SIN3A: variants seen among roughly 807,000 people sequenced by gnomAD.
SIN3A encodes SIN3 transcription regulator family member A, also known as paired amphipathic helix protein Sin3a.
Under a neutral mutation model 146.1 loss-of-function variants are expected in SIN3A, and 14 were observed. That is an observed-to-expected ratio of 0.10 (90% CI 0.06 to 0.15). The LOEUF (loss-of-function observed/expected upper bound fraction) is 0.15. Among genes scored for constraint, SIN3A ranks in the 10% least tolerant of loss-of-function variants. The pLI, the probability that SIN3A is intolerant of heterozygous loss-of-function variation, is 1.00. For synonymous variants in SIN3A, 572 were observed against 572.0 expected (o/e 1.00, Z 0.00); for missense variants, 1,028 against 1,576.0 (o/e 0.65, Z 5.89).
intron 3 of SIN3A, chr15:75,416,056 GA>G: frequency 3.6e-6 from 1 of 279,798 alleles, no homozygotes. Context: ...TACTTCTGGT[GA>G]CTGTAAAGTT....
intron 15 of SIN3A, 150 bp from the exon 16 acceptor site, chr15:75,389,971 G>A: frequency 1.4e-6 from 1 of 711,666 alleles, no homozygotes; most frequent in Non-Finnish European, 2.3e-6. Context: ...AATGTAAACA[G>A]AGATGAATTC....
intron 9 of SIN3A, among the ~76,000 whole-genome samples, chr15:75,404,167 A>T (rs1211876902): frequency 1.3e-5 from 2 of 152,218 alleles, no homozygotes. Flanking sequence ...AGACTTCCGT[A>T]TGCTTTTCTT....
At chr15:75,422,515 A>G in intron 3 of SIN3A, 132 bp downstream of exon 3, 3 of 1,082,948 alleles carry the variant, frequency 2.8e-6, no homozygotes, top group Non-Finnish European at 2.8e-6. Context: ...TCACAAAACA[A>G]AAACGGTAAA....
At chr15:75,428,296 C>T (rs1469117574) in intron 2 of SIN3A, among the ~76,000 whole-genome samples, 1 of 152,066 alleles carries the variant, frequency 6.6e-6, no homozygotes, top group African/African-American at 2.4e-5. Context: ...CGATGGTAGA[C>T]CCTTGAATAA....
upstream of SIN3A, among the ~76,000 whole-genome samples, chr15:75,454,708 G>T (rs1053865671): frequency 6.6e-6 from 1 of 150,762 alleles, no homozygotes; most frequent in African/African-American, 2.4e-5. Context: ...CCCCATCCGC[G>T]CCGAGCGGTC....
At chr15:75,375,226 A>G (rs937780885) in intron 20 of SIN3A, among the ~76,000 whole-genome samples, 2 of 152,172 alleles carry the variant, frequency 1.3e-5, no homozygotes, top group Admixed American at 1.3e-4. Context: ...AACAAACAAA[A>G]AATCATACAT....
At chr15:75,430,114 A>G (rs910678752) in intron 2 of SIN3A, 73 bp downstream of exon 2, 2 of 1,237,600 alleles carry the variant, frequency 1.6e-6, no homozygotes, top group Non-Finnish European at 2.3e-6. Flanking sequence ...ACAGTATTAA[A>G]AAAAGTTTTA....
intron 14 of SIN3A, among the ~76,000 whole-genome samples, chr15:75,394,058 T>TC: frequency 6.6e-6 from 1 of 152,270 alleles, no homozygotes; most frequent in African/African-American, 2.4e-5. Context: ...TCTGCCCGCC[T>TC]CAGCCTCCCA....
intron 9 of SIN3A, among the ~76,000 whole-genome samples, chr15:75,405,007 G>A (rs2141469745): frequency 6.6e-6 from 1 of 151,930 alleles, no homozygotes; most frequent in East Asian, 1.9e-4. Context: ...TTAGCTGAGT[G>A]TGGTGGTCTG....
rs2073227176 is a variant in SIN3A, at chr15:75,392,581, C to T, written c.2512G>A (p.Glu838Lys). Residue 838 changes from glutamate to lysine, a missense_variant, in exon 15 of 21, where the codon GAA (glutamate) becomes AAA (lysine). Glu to Lys is a moderately conservative substitution (Grantham distance 56). Coordinates refer to ENST00000394947, the MANE Select transcript of SIN3A (RefSeq NM_001145358.2). ...TCATCTACATCCATCTCTTCTTCTT[C>T]CTCTTCCTCCACATCTGAGAGATCA... is the stretch of plus-strand genomic sequence containing the variant. The part of the protein sequence containing the change: ...RGDLSDVEEE[E>K]EEEMDVDEAT... 1 of 1,614,134 alleles carries T rather than the reference C, an allele frequency of 6.2e-7. No individual in the cohort carries two copies. Among genetic ancestry groups the T allele is most frequent in the Non-Finnish European group, 8.5e-7 (1 of 1,180,024 alleles).
chr15:75,429,740 T>C (rs534137518), intron 2 of SIN3A, among the ~76,000 whole-genome samples: 7 of 152,272 alleles, frequency 4.6e-5, no homozygotes, highest in African/African-American at 1.2e-4. Context: ...GACAAATAAA[T>C]TGAGTATATG....
chr15:75,443,438 G>A (rs1028384561), intron 1 of SIN3A, among the ~76,000 whole-genome samples: 2 of 152,142 alleles, frequency 1.3e-5, no homozygotes, highest in African/African-American at 4.8e-5. Flanking sequence ...GCTGTAGGCT[G>A]GGCATGCTGG....
chr15:75,418,220 TG>T (rs1356851014), intron 3 of SIN3A, among the ~76,000 whole-genome samples: 3 of 151,854 alleles, frequency 2.0e-5, no homozygotes, highest in Non-Finnish European at 2.9e-5. Context: ...TTAGTAGAGA[TG>T]GGGTGTCACC....
rs571270567 is a variant in SIN3A at position 75,451,666 on chromosome 15, C to G, written c.-277G>C. 1 of 152,482 alleles carries G rather than the reference C, an allele frequency of 6.6e-6. No homozygotes were observed. Among genetic ancestry groups the G allele is most frequent in the Non-Finnish European group, 1.5e-5 (1 of 68,396 alleles). The allele number at this position is 152,482 out of a possible 1,614,324, so 9.4% of individuals were successfully genotyped here. ...GATGGAGAAACCGTCTCCGCCGCCT[C>G]TACCGCCGCGGCCGCTTCTCTGTTA... On this transcript the variant is annotated 5_prime_UTR_variant, in exon 1 of 21. Coordinates refer to ENST00000394947, the MANE Select transcript of SIN3A (RefSeq NM_001145358.2).
intron 7 of SIN3A, 36 bp from the exon 8 acceptor site, chr15:75,410,027 T>C (rs777383021): frequency 2.5e-6 from 4 of 1,610,628 alleles, no homozygotes; most frequent in Admixed American, 1.7e-5. Flanking sequence ...AATGCTCTTA[T>C]CAAAGCAAAC....
upstream of SIN3A, among the ~76,000 whole-genome samples, chr15:75,452,106 T>C (rs2074421044): frequency 6.6e-6 from 1 of 152,150 alleles, no homozygotes; most frequent in African/African-American, 2.4e-5. Flanking sequence ...ACCGCCCCAG[T>C]AAGGTAAGTA....
intron 1 of SIN3A, among the ~76,000 whole-genome samples, chr15:75,451,200 C>T (rs1384235628): frequency 2.1e-5 from 3 of 142,586 alleles, no homozygotes; most frequent in African/African-American, 7.7e-5. Flanking sequence ...GCGCGAGAGC[C>T]CGCCCCCCTC....
At chr15:75,418,316 C>A (rs1327051732) in intron 3 of SIN3A, among the ~76,000 whole-genome samples, 1 of 150,876 alleles carries the variant, frequency 6.6e-6, no homozygotes, top group East Asian at 2.0e-4. Context: ...AGGCGTAAGC[C>A]ACTGCGTCTG....
intron 2 of SIN3A, among the ~76,000 whole-genome samples, chr15:75,423,427 C>G (rs1362257716): frequency 6.6e-6 from 1 of 152,066 alleles, no homozygotes; most frequent in Non-Finnish European, 1.5e-5. Context: ...GCCTGTAATC[C>G]CAGCACTTTG....
Sources: allele counts gnomAD v4.1 joint callset (sites outside exome capture counted in the v4.1 genomes callset), GRCh38; gene constraint gnomAD v4.1.1; transcripts MANE v1.5; gene names NCBI Gene and HGNC (gene_info 2026-07-23, HGNC 2026-07-21).